MYO3A: variants seen among roughly 807,000 people sequenced by gnomAD.
MYO3A encodes the protein myosin IIIA.
In MYO3A, 180 loss-of-function variants were observed where a neutral mutation model predicts 192.7. The observed-to-expected ratio is 0.93, with a 90% confidence interval of 0.83 to 1.06. MYO3A has a LOEUF of 1.06. Ranked by LOEUF, MYO3A falls within the 50% of genes least tolerant of loss-of-function variation. The pLI is 0.00. For missense variants in MYO3A, 1,896 were observed against 1,905.0 expected, an observed-to-expected ratio of 1.00 and a Z score of 0.09; for synonymous variants, 628 against 645.3, an observed-to-expected ratio of 0.97 and a Z score of 0.41.
At chr10:25,946,749 G>A (rs544619317) in intron 2 of MYO3A, among the ~76,000 whole-genome samples, 19 of 151,364 alleles carry the variant, frequency 1.3e-4, no homozygotes, top group Middle Eastern at 6.9e-3. Flanking sequence ...CATGGTAGCG[G>A]GCACCTGTAA....
intron 31 of MYO3A, among the ~76,000 whole-genome samples, chr10:26,186,580 T>C (rs1842880327): frequency 6.6e-6 from 1 of 152,236 alleles, no homozygotes; most frequent in Non-Finnish European, 1.5e-5. Flanking sequence ...TTCTTCTTTT[T>C]AATCTTTGCT....
At chr10:26,092,114 T>C (rs1206520739) in intron 15 of MYO3A, among the ~76,000 whole-genome samples, 1 of 152,156 alleles carries the variant, frequency 6.6e-6, no homozygotes, top group Non-Finnish European at 1.5e-5. Flanking sequence ...AGGAGGGAGC[T>C]GTGATTAAAA....
At chr10:26,066,286 A>T (rs1834839939) in intron 10 of MYO3A, among the ~76,000 whole-genome samples, 1 of 152,156 alleles carries the variant, frequency 6.6e-6, no homozygotes, top group Non-Finnish European at 1.5e-5. Flanking sequence ...CCCTTTTACC[A>T]AGGGGCAAAT....
chr10:26,179,049 T>C lies in MYO3A; in HGVS notation c.4438+2204T>C, dbSNP rs896818895. 4.7e-5 allele frequency among the ~76,000 whole-genome samples: 7 copies of C among 149,858 alleles called. No individual in the cohort carries two copies. In the East Asian group the frequency reaches 5.9e-4, roughly 13 times the overall value. On this transcript the variant is annotated intron_variant, in intron 31 of 34. Transcript: ENST00000642920. ...ATCCGACCCTGTGATCCGCCCGCCT[T>C]GGCCTCCCAAAGTGCTGGGATTACA...
intron 4 of MYO3A, among the ~76,000 whole-genome samples, chr10:25,980,533 G>T (rs1368860773): frequency 1.3e-5 from 2 of 152,040 alleles, no homozygotes; most frequent in African/African-American, 2.4e-5. Flanking sequence ...ATATAAATGT[G>T]TCAATACCTC....
chr10:26,182,485 G>A (rs1201511419), intron 31 of MYO3A, among the ~76,000 whole-genome samples: 1 of 152,080 alleles, frequency 6.6e-6, no homozygotes, highest in African/African-American at 2.4e-5. Context: ...ATGAGCGGAG[G>A]GAAAGAAAAA....
At chr10:26,203,861 A>G (rs2132218165) in intron 34 of MYO3A, among the ~76,000 whole-genome samples, 1 of 152,322 alleles carries the variant, frequency 6.6e-6, no homozygotes, top group South Asian at 2.1e-4. Context: ...TTAGAGTCAC[A>G]TGGTCTTAGG....
chr10:26,111,052 A>G (rs1838147935), intron 17 of MYO3A, among the ~76,000 whole-genome samples: 1 of 151,808 alleles, frequency 6.6e-6, no homozygotes, highest in South Asian at 2.1e-4. Context: ...CATTTTTTGT[A>G]GAGATGCATC....
intron 10 of MYO3A, among the ~76,000 whole-genome samples, chr10:26,036,397 G>A (rs989750886): frequency 1.1e-4 from 16 of 152,134 alleles, no homozygotes; most frequent in African/African-American, 3.9e-4. Flanking sequence ...TCAACATAGT[G>A]ATGTTTTCAT....
chr10:26,013,003 A>G (rs1430600990), intron 6 of MYO3A, among the ~76,000 whole-genome samples: 1 of 152,024 alleles, frequency 6.6e-6, no homozygotes, highest in Non-Finnish European at 1.5e-5. Flanking sequence ...TTGACAAAGC[A>G]TACAAAAACA....
intron 25 of MYO3A, among the ~76,000 whole-genome samples, chr10:26,155,393 AC>A (rs1841056102): frequency 3.3e-5 from 5 of 152,086 alleles, no homozygotes; most frequent in Admixed American, 3.3e-4. Context: ...AAAACCAAGT[AC>A]TTTTTTTTCC....
rs1839344563 is a variant in MYO3A at position 26,128,486 on chromosome 10, C to A, written c.2210C>A (p.Ala737Glu). 1 of 1,612,446 alleles carries A rather than the reference C, an allele frequency of 6.2e-7. No homozygotes were observed. Among genetic ancestry groups the A allele is most frequent in the South Asian group, 1.1e-5 (1 of 91,036 alleles). Residue 737 changes from alanine to glutamate, a missense_variant, in exon 20 of 35, where the codon GCA becomes GAA. By Grantham distance (107) the Ala-to-Glu change is moderately radical. Coordinates refer to ENST00000642920, the MANE Select transcript of MYO3A (RefSeq NM_017433.5). Reference sequence around the variant, plus strand: ...TTCGAGCAGCTGTGCATTAACATTGCAAATGAACAAATTCAGTATTATTAT... The same window carrying A: ...TTCGAGCAGCTGTGCATTAACATTGAAAATGAACAAATTCAGTATTATTAT... ...NSFEQLCINI[A>E]NEQIQYYYNQ...
rs1839288440 is a variant in MYO3A at position 25,980,860 on chromosome 10, A to C, written c.304-15630A>C. The stretch of plus-strand genomic sequence containing the variant: ...AAGGATGATACATTATTATTAACCA[A>C]AATCCATAGTTTACATTAGGGTTCC... On this transcript the variant is annotated intron_variant, in intron 4 of 34. Transcript: ENST00000642920. Among the ~76,000 whole-genome samples the C allele has an allele frequency of 2.0e-5, 3 of 152,204 alleles. No individual in the cohort carries two copies. The South Asian group carries it at 6.2e-4, about 32-fold the overall frequency.
chr10:26,147,469 G>A lies in MYO3A; in HGVS notation c.2545G>A (p.Asp849Asn), dbSNP rs1840539869. The A allele has an allele frequency of 1.2e-6, 2 of 1,613,934 alleles. No homozygotes were observed. Among genetic ancestry groups the A allele is most frequent in the African/African-American group, 2.7e-5 (2 of 75,030 alleles). ...AAGTGGATTCTTAGCCAAAAACAGA[G>A]ACACTCTTCCTACTGACATTGTGCT... is the stretch of plus-strand genomic sequence containing the variant. ...NASGFLAKNR[D>N]TLPTDIVLLL... is the part of the protein sequence containing the mutation. Residue 849 changes from aspartate to asparagine, a missense_variant, in exon 23 of 35, where the codon GAC (aspartate) becomes AAC (asparagine). Transcript: ENST00000642920.
intron 17 of MYO3A, among the ~76,000 whole-genome samples, chr10:26,112,216 T>A (rs1171359540): frequency 6.6e-6 from 1 of 152,208 alleles, no homozygotes; most frequent in Non-Finnish European, 1.5e-5. Flanking sequence ...ACATATAGCT[T>A]AGGATAAAGG....
At chr10:26,149,794 A>G (rs1233434015) in intron 23 of MYO3A, among the ~76,000 whole-genome samples, 7 of 152,166 alleles carry the variant, frequency 4.6e-5, no homozygotes, top group Non-Finnish European at 1.0e-4. Context: ...TTTCAAGTAT[A>G]TAATACTATG....
chr10:26,183,627 A>G (rs1842723086), intron 31 of MYO3A, among the ~76,000 whole-genome samples: 1 of 152,214 alleles, frequency 6.6e-6, no homozygotes. Flanking sequence ...GCCAAAAGCT[A>G]CAAGCCCATG....
intron 4 of MYO3A, among the ~76,000 whole-genome samples, chr10:25,975,192 A>G (rs904931142): frequency 6.6e-6 from 1 of 152,184 alleles, no homozygotes; most frequent in African/African-American, 2.4e-5. Flanking sequence ...TAAATGTACT[A>G]CAATTAGGTC....
At chr10:26,094,780 A>G (rs1325217434) in intron 15 of MYO3A, among the ~76,000 whole-genome samples, 4 of 152,190 alleles carry the variant, frequency 2.6e-5, no homozygotes, top group Admixed American at 2.0e-4. Context: ...CTGAGATTAT[A>G]CTGCATAATA....
Sources: allele counts gnomAD v4.1 joint callset (sites outside exome capture counted in the v4.1 genomes callset), GRCh38; gene constraint gnomAD v4.1.1; transcripts MANE v1.5; gene names NCBI Gene and HGNC (gene_info 2026-07-23, HGNC 2026-07-21).